Variants in ZNRF3 observed in about 807,000 individuals in gnomAD.
ZNRF3 encodes E3 ubiquitin-protein ligase ZNRF3.
In ZNRF3, 23 loss-of-function variants were observed where a neutral mutation model predicts 72.5. The ratio of observed to expected loss-of-function variants is 0.32; its 90% CI spans 0.23 to 0.45. The LOEUF is 0.45. Ranked by LOEUF, ZNRF3 falls within the 20% of genes least tolerant of loss-of-function variation. The probability of loss-of-function intolerance (pLI) is 1.00; values close to 1 mark genes in which losing one functional copy is unlikely to be tolerated. For missense variants in ZNRF3, 1,169 were observed against 1,272.1 expected, an observed-to-expected ratio of 0.92 and a Z score of 1.23; for synonymous variants, 610 against 545.3, an observed-to-expected ratio of 1.12 and a Z score of -1.65.
chr22:28,907,421 A>G (rs533593165), intron 1 of ZNRF3, among the ~76,000 whole-genome samples: 11 of 152,074 alleles, frequency 7.2e-5, no homozygotes, highest in Non-Finnish European at 1.0e-4. Context: ...ATTTTCTCCA[A>G]TTTCTCTGGT....
In ZNRF3 at chr22:29,053,945, G is replaced by A. The variant is rs1341858343; in HGVS notation, c.*323G>A. ...TTTGTTTTTTTTTAAGATATTGTAT[G>A]TAAATGTAAAAAGTTATTTAAATAT... On this transcript the variant is annotated 3_prime_UTR_variant, in exon 9 of 9. Coordinates refer to ENST00000544604, the MANE Select transcript of ZNRF3 (RefSeq NM_001206998.2). 1.6e-5 allele frequency: 3 copies of A among 189,516 alleles called. No individual in the cohort carries two copies. The highest frequency in any genetic ancestry group is 3.2e-5 in the Non-Finnish European group (3 of 92,678). 11.7% of individuals were successfully genotyped at this position (189,516 alleles called of 1,614,324 possible).
Position 29,053,818 on chromosome 22 carries a change from A to G in ZNRF3, c.*196A>G. 1.9e-6 allele frequency: 1 copy of G among 520,582 alleles called. No homozygotes were observed. The highest frequency in any genetic ancestry group is 3.1e-5 in the East Asian group (1 of 32,254). 32.2% of individuals were successfully genotyped at this position (520,582 alleles called of 1,614,324 possible). ...CCCCCTACCCCATTAACAAATCAAC[A>G]GACAAAATTCTCCGAGTCCTTTGCC... On this transcript the variant is annotated 3_prime_UTR_variant, in exon 9 of 9. Coordinates refer to ENST00000544604, the MANE Select transcript of ZNRF3 (RefSeq NM_001206998.2).
At chr22:28,943,535 C>T (rs552848626) in intron 1 of ZNRF3, among the ~76,000 whole-genome samples, 8 of 152,086 alleles carry the variant, frequency 5.3e-5, no homozygotes, top group South Asian at 2.1e-4. Context: ...TTATGTGTGG[C>T]GGGGATATTA....
intron 1 of ZNRF3, among the ~76,000 whole-genome samples, chr22:28,949,137 G>A (rs1438848535): frequency 1.3e-5 from 2 of 151,924 alleles, no homozygotes; most frequent in African/African-American, 4.8e-5. Flanking sequence ...GCGCCACCAC[G>A]CCCAGCTAAT....
intron 2 of ZNRF3, among the ~76,000 whole-genome samples, chr22:29,019,099 C>T (rs2036486033): frequency 6.6e-6 from 1 of 151,832 alleles, no homozygotes; most frequent in Non-Finnish European, 1.5e-5. Context: ...CATGATAGTT[C>T]TCAGGGTTCC....
At chr22:28,892,301 C>CA (rs1236213484) in intron 1 of ZNRF3, among the ~76,000 whole-genome samples, 4 of 152,156 alleles carry the variant, frequency 2.6e-5, no homozygotes, top group Admixed American at 2.0e-4. Flanking sequence ...AGACAGCACA[C>CA]GAACGGTTAC....
At chr22:28,906,601 T>C (rs531476185) in intron 1 of ZNRF3, among the ~76,000 whole-genome samples, 5 of 152,310 alleles carry the variant, frequency 3.3e-5, no homozygotes, top group African/African-American at 1.2e-4. Context: ...ATATGTAAGG[T>C]GTACATTAAG....
At chr22:28,898,908 A>G (rs970386681) in intron 1 of ZNRF3, among the ~76,000 whole-genome samples, 2 of 142,566 alleles carry the variant, frequency 1.4e-5, no homozygotes, top group African/African-American at 2.6e-5. Flanking sequence ...TTAGTTCTGT[A>G]TAAGTTGACA....
At position 29,012,327 on chromosome 22, in the gene ZNRF3, T is replaced by C. The variant is rs906767846; in HGVS notation, c.426+25126T>C. On this transcript the variant is annotated intron_variant, in intron 2 of 8. Coordinates refer to ENST00000544604, the MANE Select transcript of ZNRF3 (RefSeq NM_001206998.2). The stretch of plus-strand genomic sequence containing the variant: ...GATCTAAACAGTGAAGCAGAGGGAC[T>C]ATGCTCTCTTTCAAATTGATCACCT... Among the ~76,000 whole-genome samples the C allele has an allele frequency of 2.6e-5, 4 of 152,354 alleles. No homozygotes were observed. In the South Asian group the frequency reaches 8.3e-4, roughly 32 times the overall value.
chr22:29,044,573 G>A (rs2037025204), intron 4 of ZNRF3, among the ~76,000 whole-genome samples: 1 of 152,204 alleles, frequency 6.6e-6, no homozygotes, highest in Non-Finnish European at 1.5e-5. Flanking sequence ...ATCGCCACAG[G>A]CGTCCCCCTG....
At chr22:28,944,414 A>G (rs560008167) in intron 1 of ZNRF3, among the ~76,000 whole-genome samples, 10 of 152,018 alleles carry the variant, frequency 6.6e-5, no homozygotes, top group African/African-American at 7.2e-5. Context: ...CGAGGTCAGG[A>G]GATTGAGACC....
intron 3 of ZNRF3, among the ~76,000 whole-genome samples, chr22:29,042,798 G>A (rs1437237764): frequency 1.3e-5 from 2 of 151,182 alleles, no homozygotes; most frequent in Admixed American, 1.3e-4. Flanking sequence ...CCCCCGAGAT[G>A]GAGTCTTGCT....
chr22:29,007,658 A>G (rs916959143), intron 2 of ZNRF3, among the ~76,000 whole-genome samples: 4 of 150,852 alleles, frequency 2.7e-5, no homozygotes, highest in African/African-American at 9.8e-5. Flanking sequence ...ATAGCTTTTA[A>G]TTTGCTCCTG....
chr22:28,888,698 A>G (rs1052412225), intron 1 of ZNRF3, among the ~76,000 whole-genome samples: 1 of 152,200 alleles, frequency 6.6e-6, no homozygotes, highest in South Asian at 2.1e-4. Context: ...GGTTCTTCTC[A>G]TCCTGACACT....
At chr22:28,906,359 T>C (rs2034207792) in intron 1 of ZNRF3, among the ~76,000 whole-genome samples, 1 of 152,140 alleles carries the variant, frequency 6.6e-6, no homozygotes, top group African/African-American at 2.4e-5. Flanking sequence ...TAAAATCTAC[T>C]GTATGTTGCA....
At chr22:28,922,030 T>TTG (rs1435107447) in intron 1 of ZNRF3, among the ~76,000 whole-genome samples, 3 of 152,218 alleles carry the variant, frequency 2.0e-5, no homozygotes, top group Non-Finnish European at 2.9e-5. Context: ...TGAAATTCAT[T>TTG]TGTTTCATAT....
chr22:28,944,795 A>C (rs2035019083), intron 1 of ZNRF3, among the ~76,000 whole-genome samples: 1 of 149,126 alleles, frequency 6.7e-6, no homozygotes, highest in Non-Finnish European at 1.5e-5. Context: ...GTATGGTGGC[A>C]CACACCTGTA....
In ZNRF3 at chr22:28,952,000, G is replaced by A. The variant is rs370781155; in HGVS notation, c.301-35076G>A. On this transcript the variant is annotated intron_variant, in intron 1 of 8. Transcript: ENST00000544604. ...CTTGCTCCTCTTCCCCGTGGAGCAAGGAGCACTGAGCCAGCATGGGTATAT... is the reference window on the plus strand; with the variant it reads ...CTTGCTCCTCTTCCCCGTGGAGCAAAGAGCACTGAGCCAGCATGGGTATAT... Among the ~76,000 whole-genome samples the A allele has an allele frequency of 3.1e-4, 47 of 152,320 alleles. 1 individual carries two copies. The highest frequency in any genetic ancestry group is 6.8e-3 in the Middle Eastern group (2 of 294).
intron 1 of ZNRF3, among the ~76,000 whole-genome samples, chr22:28,946,977 A>G (rs115846874): frequency 1.5e-3 from 236 of 152,306 alleles, no homozygotes; most frequent in African/African-American, 5.4e-3. Context: ...TAGCAGCCAT[A>G]TCTTGGGCAG....
Sources: gnomAD v4.1 joint callset for allele counts (sites outside exome capture counted in the v4.1 genomes callset) on GRCh38, gnomAD v4.1.1 for gene constraint, MANE v1.5 for transcripts, NCBI Gene and HGNC (gene_info 2026-07-23, HGNC 2026-07-21) for gene names.